HK3: variants seen among roughly 807,000 people sequenced by gnomAD.
HK3 encodes hexokinase 3.
A neutral mutation model predicts 91.0 loss-of-function variants in HK3; 93 were observed. The ratio of observed to expected loss-of-function variants is 1.02; its 90% CI spans 0.86 to 1.21. The LOEUF is 1.21. Among genes scored for constraint, HK3 ranks in the 50% most tolerant of loss-of-function variants. The pLI is 0.00. For missense variants in HK3, 1,235 were observed against 1,247.4 expected, an observed-to-expected ratio of 0.99 and a Z score of 0.15; for synonymous variants, 519 against 516.9, an observed-to-expected ratio of 1.00 and a Z score of -0.06.
At chr5:176,883,274 T>C (rs1211117984) in intron 15 of HK3, among the ~76,000 whole-genome samples, 4 of 152,210 alleles carry the variant, frequency 2.6e-5, no homozygotes, top group Non-Finnish European at 5.9e-5. Context: ...TTGGACTGTC[T>C]GAAGGACCCT....
Position 176,887,176 on chromosome 5 carries a change from A to C in HK3, c.1737+25T>G. On this transcript the variant is annotated intron_variant, in intron 12 of 18. Coordinates refer to ENST00000292432, the MANE Select transcript of HK3 (RefSeq NM_002115.3). The surrounding 1 kb of genome is among the most constrained non-coding windows in gnomAD (Gnocchi z 4.9). Reference sequence around the variant, plus strand: ...ACTGCTCAGCCCTTCCCCACCTCTGACATCAAGGTTCAGGCTGTGGGTACC... The same window carrying C: ...ACTGCTCAGCCCTTCCCCACCTCTGCCATCAAGGTTCAGGCTGTGGGTACC... 6.2e-7 allele frequency: 1 copy of C among 1,614,120 alleles called. No homozygotes were observed. The highest frequency in any genetic ancestry group is 8.5e-7 in the Non-Finnish European group (1 of 1,180,026).
At chr5:176,889,807 G>C (rs1488320882) in intron 6 of HK3, 63 bp from the exon 7 acceptor site, 4 of 1,411,108 alleles carry the variant, frequency 2.8e-6, no homozygotes, top group Admixed American at 3.4e-5. Flanking sequence ...GAATCCAGGG[G>C]ATGGGCAGGG....
rs1758631247 is a variant in HK3, at chr5:176,887,550, G to A, written c.1501C>T (p.Gln501Ter). ...GCCATGGCCTTCCGCATCTGTGCCT[G>A]AACCGCAGCCAGTTGATCATGGTTC... ...RLNHDQLAAV[Q>*]AQMRKAMAKG... Residue 501 changes from glutamine (Q) to a stop codon, truncating the protein, a stop_gained, in exon 11 of 19, where the codon CAG becomes TAG. Coordinates refer to ENST00000292432, the MANE Select transcript of HK3 (RefSeq NM_002115.3). LOFTEE classifies it high-confidence loss of function. This position sits in a 1 kb window ranked among gnomAD's most constrained non-coding sequence, Gnocchi z 4.9. 1.9e-6 allele frequency: 3 copies of A among 1,613,872 alleles called. No individual in the cohort carries two copies. In the South Asian group the frequency reaches 3.3e-5, roughly 18 times the overall value.
intron 2 of HK3, among the ~76,000 whole-genome samples, chr5:176,892,129 A>T (rs138589072): frequency 1.8e-4 from 28 of 152,280 alleles, no homozygotes; most frequent in African/African-American, 6.7e-4. Context: ...AGCACCGCAC[A>T]CACATAACCA....
Position 176,887,989 on chromosome 5 carries a change from C to A in HK3, c.1305-243G>T, listed in dbSNP as rs1443998694. Among the ~76,000 whole-genome samples the A allele has an allele frequency of 1.3e-5, 2 of 152,036 alleles. No individual in the cohort carries two copies. Among genetic ancestry groups the A allele is most frequent in the African/African-American group, 4.8e-5 (2 of 41,390 alleles). On this transcript the variant is annotated intron_variant, in intron 10 of 18. Transcript: ENST00000292432. This position sits in a 1 kb window ranked among gnomAD's most constrained non-coding sequence, Gnocchi z 4.9. ...GATCATGGCTTACTGTAACCTCAAA[C>A]TCCCAGGCTCCAATGATCCTCCCAC... is the stretch of plus-strand genomic sequence containing the variant.
Position 176,888,534 on chromosome 5 carries a change from T to G in HK3, c.1102A>C (p.Ile368Leu), listed in dbSNP as rs1758666009. 1 of 1,557,866 alleles carries G rather than the reference T, an allele frequency of 6.4e-7. No individual in the cohort carries two copies. The highest frequency in any genetic ancestry group is 1.9e-5 in the Admixed American group (1 of 51,552). The change falls in exon 10 of 19, where the codon ATC (isoleucine) becomes CTC (leucine). Residue 368 changes from isoleucine (I) to leucine (L), a missense_variant. Physicochemically the swap from Ile to Leu is conservative, Grantham distance 5. Coordinates refer to ENST00000292432, the MANE Select transcript of HK3 (RefSeq NM_002115.3). ...GGGCTCAGGCCCAAGTCCTGCAGGATAGCATGGACACGGGCTGCCCCAGTA... is the reference window on the plus strand; with the variant it reads ...GGGCTCAGGCCCAAGTCCTGCAGGAGAGCATGGACACGGGCTGCCCCAGTA... ...PSTGAARVHA[I>L]LQDLGLSPGA...
rs528760768 is a variant in HK3 at position 176,897,197 on chromosome 5, T to C, written c.-26-1012A>G. The stretch of plus-strand genomic sequence containing the variant: ...ACTCTATGATTCTCCATTTCCTCTA[T>C]AACATGAAAAGCTCAGTTCTTGTGA... On this transcript the variant is annotated intron_variant, in intron 1 of 18. Transcript: ENST00000292432. Among the ~76,000 whole-genome samples the C allele has an allele frequency of 3.9e-5, 6 of 152,340 alleles. No homozygotes were observed. In the South Asian group the frequency reaches 1.2e-3, roughly 32 times the overall value.
intron 13 of HK3, among the ~76,000 whole-genome samples, chr5:176,886,409 A>G (rs758621176): frequency 1.3e-4 from 20 of 151,654 alleles, no homozygotes; most frequent in Non-Finnish European, 2.4e-4. Flanking sequence ...TTCAAGCAGA[A>G]GTTGGGTATG....
Position 176,888,530 on chromosome 5 carries a change from A to C in HK3, c.1106T>G (p.Leu369Arg). The change falls in exon 10 of 19, where the codon CTG becomes CGG. Residue 369 changes from leucine (L) to arginine (R), a missense_variant. Around this residue, in one of 3 missense-constraint regions of HK3, gnomAD observed 717 missense variants for 751.6 expected, o/e 0.95. Coordinates refer to ENST00000292432, the MANE Select transcript of HK3 (RefSeq NM_002115.3). The part of the protein sequence containing the change: ...STGAARVHAI[L>R]QDLGLSPGAS... ...CCCAGGGCTCAGGCCCAAGTCCTGCAGGATAGCATGGACACGGGCTGCCCC... is the reference window on the plus strand; with the variant it reads ...CCCAGGGCTCAGGCCCAAGTCCTGCCGGATAGCATGGACACGGGCTGCCCC... The C allele has an allele frequency of 6.4e-7, 1 of 1,557,546 alleles. No individual in the cohort carries two copies. The highest frequency in any genetic ancestry group is 1.9e-5 in the Admixed American group (1 of 51,524).
Position 176,881,861 on chromosome 5 carries a change from T to C in HK3, c.2238-14A>G, listed in dbSNP as rs1305049911. Reference sequence around the variant, plus strand: ...ATCTTTTCAAACCTGCATGAACATGTGTGCACTCGGCAGAAGGCCCCACCA... The same window carrying C: ...ATCTTTTCAAACCTGCATGAACATGCGTGCACTCGGCAGAAGGCCCCACCA... On this transcript the variant is annotated splice_polypyrimidine_tract_variant and intron_variant, in intron 16 of 18. Coordinates refer to ENST00000292432, the MANE Select transcript of HK3 (RefSeq NM_002115.3). 3.7e-6 allele frequency: 6 copies of C among 1,607,158 alleles called. No homozygotes were observed. The highest frequency in any genetic ancestry group is 5.1e-6 in the Non-Finnish European group (6 of 1,177,266).
At position 176,881,554 on chromosome 5, in the gene HK3, G is replaced by A. The variant is rs1581287381; in HGVS notation, c.2394-19C>T. ...GCTGTCACTGGGGGCCAGGAAGGAA[G>A]AGAGCACAGGGAGGTGGGTCGTGAC... On this transcript the variant is annotated intron_variant, in intron 17 of 18. Coordinates refer to ENST00000292432, the MANE Select transcript of HK3 (RefSeq NM_002115.3). 2 of 1,596,092 alleles carry A rather than the reference G, an allele frequency of 1.3e-6. No individual in the cohort carries two copies. The highest frequency in any genetic ancestry group is 1.3e-5 in the African/African-American group (1 of 74,754).
intron 6 of HK3, 46 bp from the exon 7 acceptor site, chr5:176,889,790 G>A (rs1270236658): frequency 6.4e-7 from 1 of 1,556,618 alleles, no homozygotes. Flanking sequence ...TGAGTGGCCA[G>A]AGGAGGGAAT....
chr5:176,896,216 C>G lies in HK3; in HGVS notation c.-26-31G>C, dbSNP rs1581305460. On this transcript the variant is annotated intron_variant, in intron 1 of 18. Transcript: ENST00000292432. ...GGAGAAAAGGGACAACCTGGGTCAA[C>G]CATTTACTCTATAGGCCCTAGGAGT... The G allele has an allele frequency of 6.8e-6, 9 of 1,321,370 alleles. No individual in the cohort carries two copies. The East Asian group carries it at 1.4e-4, about 21-fold the overall frequency. 81.9% of individuals were successfully genotyped at this position (1,321,370 alleles called of 1,614,324 possible).
At position 176,881,075 on chromosome 5, in the gene HK3, A is replaced by G. The variant is rs775016491; in HGVS notation, c.2770T>C (p.Ter924ArgextTer?). ...ACCTCCTCAGCCTGGAGGTTTCCTC[A>G]GACACGAGTCAACTGCGCAAGGCGG... is the stretch of plus-strand genomic sequence containing the variant. ...ACRLAQLTRV[*>R] Residue 924 changes from the stop codon to arginine (R), a stop_lost, in exon 19 of 19, where the codon TGA (stop) becomes CGA (arginine). Coordinates refer to ENST00000292432, the MANE Select transcript of HK3 (RefSeq NM_002115.3). 4 of 1,598,352 alleles carry G rather than the reference A, an allele frequency of 2.5e-6. No individual in the cohort carries two copies. The highest frequency in any genetic ancestry group is 3.4e-6 in the Non-Finnish European group (4 of 1,172,080).
Position 176,890,619 on chromosome 5 carries a change from C to T in HK3, c.630+16G>A. The T allele has an allele frequency of 6.2e-7, 1 of 1,611,904 alleles. No homozygotes were observed. Among genetic ancestry groups the T allele is most frequent in the East Asian group, 2.2e-5 (1 of 44,860 alleles). ...CCAACATGGGCAGCCCTCCTGTCAC[C>T]CCTCCCTCCACTCACCCCCTGCCTC... is the stretch of plus-strand genomic sequence containing the variant. On this transcript the variant is annotated intron_variant, in intron 6 of 18. Coordinates refer to ENST00000292432, the MANE Select transcript of HK3 (RefSeq NM_002115.3).
At position 176,884,256 on chromosome 5, in the gene HK3, G is replaced by C. The variant is rs1758524334; in HGVS notation, c.1858-122C>G. The C allele has an allele frequency of 1.2e-6, 1 of 814,944 alleles. No individual in the cohort carries two copies. The highest frequency in any genetic ancestry group is 1.7e-5 in the African/African-American group (1 of 59,504). 50.5% of individuals were successfully genotyped at this position (814,944 alleles called of 1,614,324 possible). On this transcript the variant is annotated intron_variant, in intron 13 of 18. Coordinates refer to ENST00000292432, the MANE Select transcript of HK3 (RefSeq NM_002115.3). This position sits in a 1 kb window ranked among gnomAD's most constrained non-coding sequence, Gnocchi z 4.1. ...CCACCCTCCCCAAGCACAATTCCTT[G>C]CCTACTTTGCTGTATGGTTGAAGGC... is the stretch of plus-strand genomic sequence containing the variant.
intron 1 of HK3, among the ~76,000 whole-genome samples, chr5:176,896,945 AGGTGGGTT>A (rs1212209267): frequency 6.6e-6 from 1 of 152,148 alleles, no homozygotes; most frequent in African/African-American, 2.4e-5. Flanking sequence ...CATAAACATC[AGGTGGGTT>A]TTAACAGTGA....
intron 1 of HK3, among the ~76,000 whole-genome samples, chr5:176,897,319 A>G (rs1244505801): frequency 6.6e-6 from 1 of 152,178 alleles, no homozygotes; most frequent in Non-Finnish European, 1.5e-5. Flanking sequence ...TGCTGTTTCC[A>G]TAGTCCCAAG....
At chr5:176,889,796 G>T in intron 6 of HK3, 52 bp from the exon 7 acceptor site, 1 of 1,490,560 alleles carries the variant, frequency 6.7e-7, no homozygotes, top group South Asian at 1.1e-5. Context: ...GCCAGAGGAG[G>T]GAATCCAGGG....
Sources: gnomAD v4.1 joint callset for allele counts (sites outside exome capture counted in the v4.1 genomes callset) on GRCh38, gnomAD v4.1.1 for gene constraint, gnomAD v4.1.1 regional missense constraint, Gnocchi (gnomAD v3.1) non-coding constraint, MANE v1.5 for transcripts, NCBI Gene and HGNC (gene_info 2026-07-23, HGNC 2026-07-21) for gene names.